The following DDX24 variants were observed in gnomAD, a reference collection of about 807,000 sequenced individuals.
DDX24 encodes ATP-dependent RNA helicase DDX24.
Under a neutral mutation model 68.9 loss-of-function variants are expected in DDX24, and 24 were observed. The ratio of observed to expected loss-of-function variants is 0.35; its 90% CI spans 0.25 to 0.49. The LOEUF (loss-of-function observed/expected upper bound fraction) is 0.49, where lower values mean the gene tolerates loss of function less well. Ranked by LOEUF, DDX24 falls within the 20% of genes least tolerant of loss-of-function variation. The probability of loss-of-function intolerance (pLI) is 0.99; values close to 1 mark genes in which losing one functional copy is unlikely to be tolerated. For synonymous variants in DDX24, 395 were observed against 385.2 expected, an observed-to-expected ratio of 1.03 and a Z score of -0.30; for missense variants, 989 against 1,039.0, an observed-to-expected ratio of 0.95 and a Z score of 0.66.
chr14:94,070,385 A>G (rs1016001262), intron 2 of DDX24, among the ~76,000 whole-genome samples: 29 of 152,230 alleles, frequency 1.9e-4, no homozygotes, highest in African/African-American at 7.0e-4. Flanking sequence ...ATGGAAACAC[A>G]TCCCACGCTC....
intron 2 of DDX24, among the ~76,000 whole-genome samples, chr14:94,069,023 C>A (rs190345116): frequency 1.1e-3 from 166 of 152,028 alleles, no homozygotes; most frequent in Non-Finnish European, 1.7e-3. Context: ...CAGAGCAGAA[C>A]TAAATGAAAT....
At chr14:94,065,850 C>G (rs1885694496) in intron 2 of DDX24, among the ~76,000 whole-genome samples, 1 of 152,200 alleles carries the variant, frequency 6.6e-6, no homozygotes, top group Non-Finnish European at 1.5e-5. Context: ...GCCCTGGGAG[C>G]TCGCTGGGTC....
At position 94,050,593 on chromosome 14, in the gene DDX24, A is replaced by AG. The variant is rs1885369568; in HGVS notation, c.*597dup. 1 of 152,304 alleles carries AG rather than the reference A, an allele frequency of 6.6e-6. No homozygotes were observed. The highest frequency in any genetic ancestry group is 2.1e-4 in the South Asian group (1 of 4,834). 9.4% of individuals were successfully genotyped at this position (152,304 alleles called of 1,614,324 possible). The stretch of plus-strand genomic sequence containing the variant: ...CTGTTACTGTTGGCTCTGTGATGTG[A>AG]GGGAAGCCTGAAGACAGCAACCTCA... On this transcript the variant is annotated 3_prime_UTR_variant, in exon 9 of 9. Transcript: ENST00000621632.
chr14:94,059,331 T>A (rs1394131064), intron 5 of DDX24, among the ~76,000 whole-genome samples: 2 of 152,194 alleles, frequency 1.3e-5, no homozygotes, highest in Non-Finnish European at 2.9e-5. Context: ...CAAAGGCAGA[T>A]GGACAAAGAC....
Position 94,060,115 on chromosome 14 carries a change from C to G in DDX24, c.1896G>C (p.Gln632His). Reference sequence around the variant, plus strand: ...TAACTTACTCTTCCAGACGGGCAAACTGCTCCAGGTTTCTGAGCCTCTGCT... The same window carrying G: ...TAACTTACTCTTCCAGACGGGCAAAGTGCTCCAGGTTTCTGAGCCTCTGCT... ...HQKQRLRNLE[Q>H]FARLEDCVLL... is the part of the protein sequence containing the mutation. Residue 632 changes from glutamine to histidine, a missense_variant, in exon 5 of 9, where the codon CAG becomes CAC. Transcript: ENST00000621632. 6.2e-7 allele frequency: 1 copy of G among 1,612,564 alleles called. No homozygotes were observed. Among genetic ancestry groups the G allele is most frequent in the Non-Finnish European group, 8.5e-7 (1 of 1,178,778 alleles).
chr14:94,055,280 C>T, intron 6 of DDX24, 96 bp from the exon 7 acceptor site: 2 of 1,303,770 alleles, frequency 1.5e-6, no homozygotes. Context: ...CTCCTACCTC[C>T]CAGCCAGGCA....
intron 2 of DDX24, among the ~76,000 whole-genome samples, chr14:94,072,125 G>A (rs1377807395): frequency 6.6e-6 from 1 of 152,122 alleles, no homozygotes; most frequent in East Asian, 1.9e-4. Context: ...AGGAAAAGAA[G>A]TCATTATACA....
chr14:94,050,915 C>A lies in DDX24; in HGVS notation c.*276G>T, dbSNP rs2141418971. 2.8e-6 allele frequency: 1 copy of A among 356,528 alleles called. No homozygotes were observed. The highest frequency in any genetic ancestry group is 5.0e-6 in the Non-Finnish European group (1 of 201,590). The allele number at this position is 356,528 out of a possible 1,614,324, so 22.1% of individuals were successfully genotyped here. On this transcript the variant is annotated 3_prime_UTR_variant, in exon 9 of 9. Coordinates refer to ENST00000621632, the MANE Select transcript of DDX24 (RefSeq NM_020414.4). Reference sequence around the variant, plus strand: ...AAAAAAAAAAAAAATCAGGATGACACAATGGCTCTGACCATTGTTTTTAAT... The same window carrying A: ...AAAAAAAAAAAAAATCAGGATGACAAAATGGCTCTGACCATTGTTTTTAAT...
chr14:94,069,771 C>T (rs1885791328), intron 2 of DDX24, among the ~76,000 whole-genome samples: 1 of 152,064 alleles, frequency 6.6e-6, no homozygotes. Flanking sequence ...CACATGATCT[C>T]AATAGATGGA....
In DDX24 at chr14:94,063,239, A is replaced by T. The variant is rs1327815539; in HGVS notation, c.719-618T>A. ...CAAAAATTTTCACAATTTTCAAAGG[A>T]AATAAGCAGCTCTCAGTAAAAAATA... On this transcript the variant is annotated intron_variant, in intron 2 of 8. Transcript: ENST00000621632. Among the ~76,000 whole-genome samples, 58 of 152,226 alleles carry T rather than the reference A, an allele frequency of 3.8e-4. 1 individual carries two copies. The highest frequency in any genetic ancestry group is 3.8e-3 in the Admixed American group (58 of 15,292).
intron 8 of DDX24, among the ~76,000 whole-genome samples, chr14:94,052,092 C>T (rs1255137804): frequency 3.9e-5 from 6 of 152,256 alleles, no homozygotes. Flanking sequence ...TCATCAAGCC[C>T]ACTGGTTTGG....
At chr14:94,058,056 T>G (rs1012159724) in intron 5 of DDX24, among the ~76,000 whole-genome samples, 159 bp from the exon 6 acceptor site, 5 of 152,178 alleles carry the variant, frequency 3.3e-5, no homozygotes, top group African/African-American at 1.2e-4. Context: ...TCGGAGAGAT[T>G]AACTTCCCAA....
At position 94,079,775 on chromosome 14, in the gene DDX24, G is replaced by A; in HGVS notation, c.-5-28C>T. ...GAAAAGGAGATACATGTTCTATTAG[G>A]TTGGTGTCTGAGAAGCAGAGGGTTC... is the stretch of plus-strand genomic sequence containing the variant. On this transcript the variant is annotated intron_variant, in intron 1 of 8. Transcript: ENST00000621632. 3 of 1,592,322 alleles carry A rather than the reference G, an allele frequency of 1.9e-6. No individual in the cohort carries two copies. The South Asian group carries it at 3.4e-5, about 18-fold the overall frequency.
chr14:94,054,865 T>G, intron 7 of DDX24, 131 bp downstream of exon 7: 1 of 1,050,728 alleles, frequency 9.5e-7, no homozygotes, highest in South Asian at 1.6e-5. Flanking sequence ...TCTACAAGTC[T>G]CCTTGTTCAG....
chr14:94,051,295 TCTTA>T lies in DDX24; in HGVS notation c.2472_2475del (p.Ser824ArgfsTer6). On this transcript the variant is annotated frameshift_variant, in exon 9 of 9. Transcript: ENST00000621632. LOFTEE classifies it low-confidence loss of function (END_TRUNC). ...GAGAGACAGCTCAAAGCAGACTCGC[TCTTA>T]CTTGGGGCAGACACAAGCAGGGGCG... The T allele has an allele frequency of 6.2e-7, 1 of 1,612,782 alleles. No homozygotes were observed. The highest frequency in any genetic ancestry group is 8.5e-7 in the Non-Finnish European group (1 of 1,179,692).
rs75629036 is a variant in DDX24 at position 94,060,886 on chromosome 14, G to A, written c.1397+27C>T. The A allele has an allele frequency of 4.1e-3, 6,624 of 1,612,152 alleles. 218 individuals are homozygous for A. The African/African-American group carries it at 0.073, about 18-fold the overall frequency. ...GGCTCATTTCAGAAAAGGCAGTGAG[G>A]GGGAAAAGAGAAGTGCCATCTATTA... On this transcript the variant is annotated intron_variant, in intron 4 of 8. Transcript: ENST00000621632.
rs749124625 is a variant in DDX24 at position 94,050,226 on chromosome 14, C to G, written c.*965G>C. ...TAGTTCCCTGAGCACATATTTATAC[C>G]AGGCTGACCAAGCCTTGAGTTCCTC... On this transcript the variant is annotated 3_prime_UTR_variant, in exon 9 of 9. Transcript: ENST00000621632. The G allele has an allele frequency of 6.6e-6, 1 of 152,244 alleles. No individual in the cohort carries two copies. Among genetic ancestry groups the G allele is most frequent in the Non-Finnish European group, 1.5e-5 (1 of 68,098 alleles). The allele number at this position is 152,244 out of a possible 1,614,324, so 9.4% of individuals were successfully genotyped here.
intron 2 of DDX24, among the ~76,000 whole-genome samples, chr14:94,071,633 G>C (rs928489567): frequency 6.7e-6 from 1 of 148,530 alleles, no homozygotes; most frequent in Admixed American, 6.7e-5. Flanking sequence ...CTGGGCAACA[G>C]AGTGAGCCTT....
chr14:94,075,412 T>C (rs1191088980), intron 2 of DDX24, among the ~76,000 whole-genome samples: 2 of 152,296 alleles, frequency 1.3e-5, no homozygotes, highest in East Asian at 1.9e-4. Context: ...AAAGAATAGT[T>C]TTTCTACAAA....
Sources: gnomAD v4.1 joint callset for allele counts (sites outside exome capture counted in the v4.1 genomes callset) on GRCh38, gnomAD v4.1.1 for gene constraint, MANE v1.5 for transcripts, NCBI Gene and HGNC (gene_info 2026-07-23, HGNC 2026-07-21) for gene names.